Variants in TENM4 observed in about 807,000 individuals in gnomAD.
The protein encoded by TENM4 is teneurin-4.
In TENM4, 82 loss-of-function variants were observed where a neutral mutation model predicts 243.3. That is an observed-to-expected ratio of 0.34 (90% CI 0.28 to 0.40). The LOEUF (loss-of-function observed/expected upper bound fraction) is 0.40, where lower values mean the gene tolerates loss of function less well. Among genes scored for constraint, TENM4 ranks in the 10% least tolerant of loss-of-function variants. The pLI, the probability that TENM4 is intolerant of heterozygous loss-of-function variation, is 1.00. For synonymous variants in TENM4, 1,412 were observed against 1,456.3 expected (o/e 0.97, Z 0.69); for missense variants, 3,138 against 3,673.3 (o/e 0.85, Z 3.77).
intron 3 of TENM4, among the ~76,000 whole-genome samples, chr11:79,164,100 G>GTA (rs559257702): frequency 3.9e-5 from 4 of 102,590 alleles, no homozygotes; most frequent in African/African-American, 1.5e-4. Context: ...TGTATATATA[G>GTA]TATATATACA....
intron 1 of TENM4, among the ~76,000 whole-genome samples, chr11:79,407,914 T>C (rs914262153): frequency 6.6e-6 from 1 of 151,798 alleles, no homozygotes; most frequent in South Asian, 2.1e-4. Context: ...TTTTTCTTTT[T>C]TTTTTTTTTA....
intron 3 of TENM4, among the ~76,000 whole-genome samples, chr11:79,201,502 C>A (rs201334389): frequency 6.2e-4 from 90 of 145,442 alleles, no homozygotes; most frequent in Admixed American, 6.8e-4. Flanking sequence ...AATAACCAGG[C>A]AAAAAAAAAA....
At chr11:79,079,519 G>T (rs1860612270) in intron 4 of TENM4, among the ~76,000 whole-genome samples, 1 of 152,180 alleles carries the variant, frequency 6.6e-6, no homozygotes, top group Non-Finnish European at 1.5e-5. Flanking sequence ...TTGACAAATG[G>T]TGGCATCTTA....
intron 6 of TENM4, among the ~76,000 whole-genome samples, chr11:78,946,757 C>T (rs373641560): frequency 6.1e-4 from 93 of 152,250 alleles, no homozygotes; most frequent in East Asian, 2.3e-3. Context: ...CCAGCTCTCA[C>T]GGGTGACTTT....
At position 78,750,849 on chromosome 11, in the gene TENM4, TTG is replaced by T. The variant is rs72172542; in HGVS notation, c.2756+5954_2756+5955del. On this transcript the variant is annotated intron_variant, in intron 19 of 33. Transcript: ENST00000278550. ...CTGGTCAATATTTACCAAATGAGGCTTGTGTGTGTGTGTGTGTGTGTGTGTGT... is the reference window on the plus strand; with the variant it reads ...CTGGTCAATATTTACCAAATGAGGCTTGTGTGTGTGTGTGTGTGTGTGTGT... Among the ~76,000 whole-genome samples, 826 of 145,396 alleles carry T rather than the reference TTG, an allele frequency of 5.7e-3. 4 individuals are homozygous for T. Among genetic ancestry groups the T allele is most frequent in the Non-Finnish European group, 8.5e-3 (560 of 65,896 alleles).
chr11:78,761,441 G>A (rs1459277755), intron 18 of TENM4, among the ~76,000 whole-genome samples: 7 of 151,798 alleles, frequency 4.6e-5, no homozygotes, highest in East Asian at 2.0e-4. Flanking sequence ...GGGTTTCACC[G>A]TGTTAGCCAG....
At chr11:79,190,029 C>A (rs761196466) in intron 3 of TENM4, among the ~76,000 whole-genome samples, 1 of 152,164 alleles carries the variant, frequency 6.6e-6, no homozygotes, top group Non-Finnish European at 1.5e-5. Flanking sequence ...AAAGGGGGAG[C>A]CTTCTGGAAC....
At chr11:79,429,286 C>T (rs926411067) in intron 1 of TENM4, among the ~76,000 whole-genome samples, 2 of 152,130 alleles carry the variant, frequency 1.3e-5, no homozygotes, top group African/African-American at 4.8e-5. Context: ...AAATAACCTG[C>T]AATAGACTCC....
At chr11:79,433,283 C>T (rs1435860510) in intron 1 of TENM4, among the ~76,000 whole-genome samples, 1 of 152,178 alleles carries the variant, frequency 6.6e-6, no homozygotes, top group Non-Finnish European at 1.5e-5. Flanking sequence ...GGCCCCTCCC[C>T]AGACCAAATG....
At chr11:78,780,181 T>C (rs1230681021) in intron 16 of TENM4, among the ~76,000 whole-genome samples, 1 of 152,124 alleles carries the variant, frequency 6.6e-6, no homozygotes, top group African/African-American at 2.4e-5. Flanking sequence ...TGCCAAACAA[T>C]GAAAAATGGG....
intron 1 of TENM4, among the ~76,000 whole-genome samples, chr11:79,361,655 G>GGT (rs1857591509): frequency 6.6e-6 from 1 of 152,020 alleles, no homozygotes; most frequent in African/African-American, 2.4e-5. Context: ...ACCCTGAATG[G>GGT]CACAAATAGA....
intron 6 of TENM4, chr11:79,021,744 T>G (rs1858935522): frequency 6.6e-6 from 1 of 152,210 alleles, no homozygotes; most frequent in African/African-American, 2.4e-5. Flanking sequence ...TGTGATCACA[T>G]GATGATGTGG....
intron 1 of TENM4, among the ~76,000 whole-genome samples, chr11:79,313,901 T>C (rs1423465891): frequency 1.3e-5 from 2 of 152,206 alleles, no homozygotes; most frequent in Non-Finnish European, 1.5e-5. Flanking sequence ...CCTTCTGGTC[T>C]GTGGAGACCC....
intron 6 of TENM4, among the ~76,000 whole-genome samples, chr11:79,040,820 C>G (rs1859504185): frequency 6.6e-6 from 1 of 152,054 alleles, no homozygotes. Context: ...TATAGGTGAT[C>G]AAATCTCAAT....
At chr11:78,835,696 G>A (rs1257301426) in intron 12 of TENM4, among the ~76,000 whole-genome samples, 1 of 152,054 alleles carries the variant, frequency 6.6e-6, no homozygotes, top group Non-Finnish European at 1.5e-5. Context: ...CCAATTTTTT[G>A]AGGTCTCAGC....
At chr11:78,794,390 A>G (rs915875715) in intron 15 of TENM4, among the ~76,000 whole-genome samples, 11 of 152,190 alleles carry the variant, frequency 7.2e-5, no homozygotes, top group African/African-American at 2.7e-4. Context: ...GGGCAGCACT[A>G]AACTATTGGC....
chr11:79,018,625 T>C (rs1456876285), intron 6 of TENM4, among the ~76,000 whole-genome samples: 1 of 152,010 alleles, frequency 6.6e-6, no homozygotes, highest in Non-Finnish European at 1.5e-5. Flanking sequence ...GAAAGAGTGG[T>C]CAGAGAGAGA....
intron 1 of TENM4, among the ~76,000 whole-genome samples, chr11:79,415,043 C>A (rs557596613): frequency 9.8e-5 from 15 of 152,334 alleles, no homozygotes; most frequent in African/African-American, 3.6e-4. Flanking sequence ...TTCACCCCAC[C>A]ACTTTGCAGC....
At chr11:79,140,009 G>C (rs922598248) in intron 4 of TENM4, among the ~76,000 whole-genome samples, 1 of 151,056 alleles carries the variant, frequency 6.6e-6, no homozygotes, top group Non-Finnish European at 1.5e-5. Flanking sequence ...TTCTTGCCTA[G>C]ATGACTCTCA....
Sources: gnomAD v4.1 joint callset for allele counts (sites outside exome capture counted in the v4.1 genomes callset) on GRCh38, gnomAD v4.1.1 for gene constraint, MANE v1.5 for transcripts, NCBI Gene and HGNC (gene_info 2026-07-23, HGNC 2026-07-21) for gene names.